The following GRID2 variants were observed in gnomAD, a reference collection of about 807,000 sequenced individuals.
GRID2 encodes glutamate receptor ionotropic, delta-2.
Under a neutral mutation model 114.8 loss-of-function variants are expected in GRID2, and 33 were observed. The ratio of observed to expected loss-of-function variants is 0.29; its 90% CI spans 0.22 to 0.38. The LOEUF is 0.38. GRID2 is among the 10% of genes least tolerant of loss of function. The pLI is 1.00. For missense variants in GRID2, 1,184 were observed against 1,257.7 expected (o/e 0.94, Z 0.89); for synonymous variants, 505 against 449.9 (o/e 1.12, Z -1.55).
At chr4:92,842,280 G>A (rs527888106) in intron 2 of GRID2, among the ~76,000 whole-genome samples, 41 of 152,138 alleles carry the variant, frequency 2.7e-4, no homozygotes, top group African/African-American at 9.4e-4. Context: ...CAAAATATTT[G>A]AAGCATAGTG....
chr4:92,863,294 C>G (rs556808130), intron 2 of GRID2, among the ~76,000 whole-genome samples: 72 of 152,198 alleles, frequency 4.7e-4, no homozygotes, highest in African/African-American at 1.7e-3. Context: ...TAATTTTGCA[C>G]TGTCCTCTTT....
At chr4:93,066,687 T>G (rs1404119048) in intron 2 of GRID2, among the ~76,000 whole-genome samples, 1 of 152,070 alleles carries the variant, frequency 6.6e-6, no homozygotes, top group Non-Finnish European at 1.5e-5. Context: ...ATCATAGATC[T>G]TAGCAACCTA....
chr4:92,956,244 C>A (rs905491130), intron 2 of GRID2, among the ~76,000 whole-genome samples: 1 of 152,154 alleles, frequency 6.6e-6, no homozygotes, highest in African/African-American at 2.4e-5. Flanking sequence ...CATTACCAAC[C>A]CGGGTTCACA....
chr4:93,678,844 C>T (rs1029138948), intron 14 of GRID2, among the ~76,000 whole-genome samples: 17 of 151,210 alleles, frequency 1.1e-4, no homozygotes, highest in South Asian at 6.3e-4. Flanking sequence ...TAAAGACCAT[C>T]GAGACTAGGA....
chr4:92,328,235 T>C (rs1486860663), intron 1 of GRID2, among the ~76,000 whole-genome samples: 1 of 152,016 alleles, frequency 6.6e-6, no homozygotes, highest in African/African-American at 2.4e-5. Flanking sequence ...CCATGTTAAA[T>C]GTTCTTCTCT....
intron 1 of GRID2, among the ~76,000 whole-genome samples, chr4:92,565,356 G>A (rs1727285375): frequency 1.3e-5 from 2 of 151,978 alleles, no homozygotes; most frequent in South Asian, 4.1e-4. Context: ...TCTTAGTATA[G>A]TTTTAGTTTA....
chr4:92,866,959 A>G (rs186499632), intron 2 of GRID2, among the ~76,000 whole-genome samples: 12 of 152,308 alleles, frequency 7.9e-5, no homozygotes, highest in Admixed American at 7.2e-4. Flanking sequence ...TTAAACCTGT[A>G]GTTAATGGCT....
At chr4:93,133,972 T>C (rs917861214) in intron 4 of GRID2, among the ~76,000 whole-genome samples, 1 of 152,184 alleles carries the variant, frequency 6.6e-6, no homozygotes, top group Non-Finnish European at 1.5e-5. Context: ...AAAAGAAGAA[T>C]GCATAGTCTC....
chr4:93,803,494 T>C (rs1419391767), intron 1 of GRID2, among the ~76,000 whole-genome samples: 1 of 152,064 alleles, frequency 6.6e-6, no homozygotes, highest in African/African-American at 2.4e-5. Flanking sequence ...GAGGCCAAGA[T>C]GGGCGGATCA....
At chr4:93,165,648 C>T (rs189396290) in intron 4 of GRID2, among the ~76,000 whole-genome samples, 24 of 152,142 alleles carry the variant, frequency 1.6e-4, no homozygotes, top group African/African-American at 5.1e-4. Context: ...TTTAGTTTTG[C>T]GCTAACTCCT....
At chr4:93,548,002 C>A (rs955211756) in intron 13 of GRID2, among the ~76,000 whole-genome samples, 8 of 151,994 alleles carry the variant, frequency 5.3e-5, no homozygotes, top group Non-Finnish European at 8.8e-5. Flanking sequence ...GATGGCGAAA[C>A]CTGGTCTCTA....
chr4:93,667,725 A>T (rs140022799), intron 14 of GRID2, among the ~76,000 whole-genome samples: 3 of 152,146 alleles, frequency 2.0e-5, no homozygotes, highest in African/African-American at 7.2e-5. Context: ...AAGATTTATA[A>T]AGTAACATCC....
intron 13 of GRID2, among the ~76,000 whole-genome samples, chr4:93,612,524 C>T (rs1741061121): frequency 9.0e-6 from 1 of 110,712 alleles, no homozygotes; most frequent in East Asian, 2.3e-4. Context: ...CAAAATCTCT[C>T]AGCATTTGCT....
At chr4:93,298,524 A>G (rs1754546605) in intron 8 of GRID2, among the ~76,000 whole-genome samples, 1 of 152,222 alleles carries the variant, frequency 6.6e-6, no homozygotes, top group African/African-American at 2.4e-5. Context: ...TTTTAGCACA[A>G]TCACATTGGT....
At chr4:93,799,956 C>T (rs150480414) in intron 1 of GRID2, among the ~76,000 whole-genome samples, 2 of 152,236 alleles carry the variant, frequency 1.3e-5, no homozygotes, top group African/African-American at 4.8e-5. Flanking sequence ...GAAAACATCG[C>T]TAGGTCTAGA....
intron 2 of GRID2, among the ~76,000 whole-genome samples, chr4:92,656,079 AG>A (rs1732218184): frequency 6.6e-6 from 1 of 151,686 alleles, no homozygotes; most frequent in African/African-American, 2.4e-5. Flanking sequence ...CTTGCAGAGT[AG>A]TAGTTCTATT....
chr4:92,921,311 A>G (rs910367876), intron 2 of GRID2, among the ~76,000 whole-genome samples: 3 of 152,014 alleles, frequency 2.0e-5, no homozygotes, highest in Non-Finnish European at 4.4e-5. Flanking sequence ...CCTTTAGTGC[A>G]GAGTAGTTTG....
At position 93,626,364 on chromosome 4, in the gene GRID2, T is replaced by C; in HGVS notation, c.2289T>C (p.Asn763=). ...DPDCSFYTIG[N]TVADRGYGIA... is the part of the protein sequence containing the mutation. ...ATTGTTCCTTTTACACCATTGGAAA[T>C]ACTGTTGCTGATCGGGGATATGGAA... Residue 763 remains asparagine (N), a synonymous_variant, in exon 14 of 16, where the codon AAT becomes AAC. Coordinates refer to ENST00000282020, the MANE Select transcript of GRID2 (RefSeq NM_001510.4). 1 of 1,609,086 alleles carries C rather than the reference T, an allele frequency of 6.2e-7. No individual in the cohort carries two copies. The highest frequency in any genetic ancestry group is 1.1e-5 in the South Asian group (1 of 90,888).
At chr4:93,723,217 T>C (rs1425889295) in intron 14 of GRID2, among the ~76,000 whole-genome samples, 1 of 152,218 alleles carries the variant, frequency 6.6e-6, no homozygotes, top group African/African-American at 2.4e-5. Flanking sequence ...CGGTCAGTCA[T>C]TACCATGTGA....
Sources: allele counts gnomAD v4.1 joint callset (sites outside exome capture counted in the v4.1 genomes callset), GRCh38; gene constraint gnomAD v4.1.1; transcripts MANE v1.5; gene names NCBI Gene and HGNC (gene_info 2026-07-23, HGNC 2026-07-21).